Variants in CLVS1 observed in about 807,000 individuals in gnomAD.
CLVS1 encodes the protein clavesin-1.
CLVS1 carries 10 observed loss-of-function variants against 33.1 expected under a neutral mutation model. The observed-to-expected ratio is 0.30, with a 90% CI of 0.19 to 0.51. The LOEUF (loss-of-function observed/expected upper bound fraction) is 0.51. Ranked by LOEUF, CLVS1 falls within the 20% of genes least tolerant of loss-of-function variation. The probability of loss-of-function intolerance (pLI) is 0.97; values close to 1 mark genes in which losing one functional copy is unlikely to be tolerated. For synonymous variants in CLVS1, 163 were observed against 166.1 expected, an observed-to-expected ratio of 0.98 and a Z score of 0.14; for missense variants, 343 against 433.4, an observed-to-expected ratio of 0.79 and a Z score of 1.85.
At chr8:61,075,621 T>C (rs1346782347) in intron 1 of CLVS1, among the ~76,000 whole-genome samples, 2 of 152,236 alleles carry the variant, frequency 1.3e-5, no homozygotes, top group African/African-American at 4.8e-5. Flanking sequence ...TAATTATGAT[T>C]GTCTGATAAA....
At chr8:61,069,508 G>A (rs1025268679) in intron 1 of CLVS1, among the ~76,000 whole-genome samples, 3 of 151,786 alleles carry the variant, frequency 2.0e-5, no homozygotes, top group African/African-American at 4.8e-5. Flanking sequence ...TTTCTTTGGT[G>A]CATCTTATAG....
At chr8:61,132,419 A>G (rs1806117881) in intron 2 of CLVS1, among the ~76,000 whole-genome samples, 1 of 152,200 alleles carries the variant, frequency 6.6e-6, no homozygotes, top group Admixed American at 6.5e-5. Context: ...AGTCCTGGGG[A>G]CAACGCGGGC....
intron 1 of CLVS1, among the ~76,000 whole-genome samples, chr8:61,291,319 A>C (rs1809982802): frequency 6.6e-6 from 1 of 152,276 alleles, no homozygotes; most frequent in South Asian, 2.1e-4. Context: ...ATTTCTCCAC[A>C]TGTGTTTGAG....
the CLVS1 span, among the ~76,000 whole-genome samples, chr8:61,040,500 T>C: frequency 6.6e-6 from 1 of 152,242 alleles, no homozygotes; most frequent in African/African-American, 2.4e-5. Flanking sequence ...CCAGCCTCTG[T>C]TATTTTTTAT....
At position 61,301,769 on chromosome 8, in the gene CLVS1, A is replaced by G. The variant is rs114036818; in HGVS notation, c.455+1487A>G. ...GAGCCAGTTGTCTTAACCCGACTTC[A>G]TTGTAATTGTGTGTATACTTTGTGT... is the stretch of plus-strand genomic sequence containing the variant. On this transcript the variant is annotated intron_variant, in intron 2 of 5. Transcript: ENST00000325897. Among the ~76,000 whole-genome samples the G allele has an allele frequency of 5.9e-3, 895 of 152,246 alleles. 5 individuals are homozygous for G. Among genetic ancestry groups the G allele is most frequent in the African/African-American group, 0.02 (838 of 41,548 alleles).
At chr8:61,485,478 T>A (rs1355405160) in intron 5 of CLVS1, among the ~76,000 whole-genome samples, 1 of 152,174 alleles carries the variant, frequency 6.6e-6, no homozygotes, top group Non-Finnish European at 1.5e-5. Flanking sequence ...GAAATAGGAA[T>A]GCTTTTACAC....
chr8:61,243,412 G>A (rs1808737811), intron 2 of CLVS1, among the ~76,000 whole-genome samples: 1 of 152,136 alleles, frequency 6.6e-6, no homozygotes, highest in Admixed American at 6.6e-5. Flanking sequence ...TCCTTTACAG[G>A]AGTCCCTCCT....
chr8:61,197,969 A>T (rs1807650762), intron 2 of CLVS1, among the ~76,000 whole-genome samples: 1 of 152,210 alleles, frequency 6.6e-6, no homozygotes, highest in Non-Finnish European at 1.5e-5. Flanking sequence ...GGCATCTGCA[A>T]TTCAATGCAG....
the CLVS1 span, among the ~76,000 whole-genome samples, chr8:61,018,420 T>G: frequency 1.3e-5 from 2 of 152,190 alleles, no homozygotes; most frequent in Non-Finnish European, 2.9e-5. Flanking sequence ...AAATGACATT[T>G]GCTTTGAGTT....
chr8:61,209,744 CAGAT>C (rs1345010285), intron 2 of CLVS1, among the ~76,000 whole-genome samples: 1 of 152,154 alleles, frequency 6.6e-6, no homozygotes, highest in Non-Finnish European at 1.5e-5. Flanking sequence ...TGTGATGTCT[CAGAT>C]AGCCAATTAA....
chr8:60,998,666 G>C, the CLVS1 span, among the ~76,000 whole-genome samples: 1 of 152,164 alleles, frequency 6.6e-6, no homozygotes, highest in Admixed American at 6.5e-5. Flanking sequence ...ATTTGGGTTT[G>C]TTCCGGGTCT....
intron 3 of CLVS1, among the ~76,000 whole-genome samples, chr8:61,440,673 A>G (rs893840900): frequency 1.3e-5 from 2 of 152,204 alleles, no homozygotes; most frequent in African/African-American, 4.8e-5. Context: ...TTTGCTTAAT[A>G]TGGTTAGGAC....
At chr8:61,016,090 T>A in the CLVS1 span, among the ~76,000 whole-genome samples, 59,569 of 152,114 alleles carry the variant, frequency 0.39, 15,514 homozygotes, top group African/African-American at 0.74. Flanking sequence ...GTGTACACAA[T>A]CTTTGTTTCA....
chr8:61,343,327 T>C lies in CLVS1; in HGVS notation c.456-33278T>C, dbSNP rs539770988. The stretch of plus-strand genomic sequence containing the variant: ...TAGAATGCAAATTTTATTATGGTTG[T>C]AGGTGGCTAGTGGTGAGGTAGATCC... On this transcript the variant is annotated intron_variant, in intron 2 of 5. Transcript: ENST00000325897. Among the ~76,000 whole-genome samples the C allele has an allele frequency of 3.9e-5, 6 of 152,332 alleles. No individual in the cohort carries two copies. The South Asian group carries it at 1.2e-3, about 32-fold the overall frequency.
chr8:60,972,537 G>A, the CLVS1 span, among the ~76,000 whole-genome samples: 22 of 152,228 alleles, frequency 1.4e-4, no homozygotes, highest in Middle Eastern at 0.01. Context: ...TCTGGAGGTC[G>A]CGAGATTAGC....
At chr8:61,139,257 G>T (rs13439567) in intron 2 of CLVS1, among the ~76,000 whole-genome samples, 27,259 of 152,174 alleles carry the variant, frequency 0.18, 2,692 homozygotes, top group African/African-American at 0.22. Context: ...AGGCGCCGCG[G>T]GGGCAGCGGA....
At chr8:61,225,368 T>A (rs944351491) in intron 2 of CLVS1, among the ~76,000 whole-genome samples, 1 of 152,138 alleles carries the variant, frequency 6.6e-6, no homozygotes, top group Admixed American at 6.6e-5. Context: ...AGTTTCTTTA[T>A]GCATAGTAGA....
chr8:61,193,911 C>G (rs1213435146), intron 2 of CLVS1, among the ~76,000 whole-genome samples: 2 of 151,984 alleles, frequency 1.3e-5, no homozygotes, highest in Non-Finnish European at 2.9e-5. Flanking sequence ...AAACACGTAT[C>G]AGTAGCATAT....
At chr8:61,484,140 AG>A (rs1408021416) in intron 5 of CLVS1, among the ~76,000 whole-genome samples, 1 of 152,212 alleles carries the variant, frequency 6.6e-6, no homozygotes, top group Non-Finnish European at 1.5e-5. Context: ...TTAGGAAAAG[AG>A]GAAGTCAAAT....
Sources: allele counts gnomAD v4.1 joint callset (sites outside exome capture counted in the v4.1 genomes callset), GRCh38; gene constraint gnomAD v4.1.1; transcripts MANE v1.5; gene names NCBI Gene and HGNC (gene_info 2026-07-23, HGNC 2026-07-21).